The following ADGRG7 variants were observed in gnomAD, a reference collection of about 807,000 sequenced individuals.
The protein encoded by ADGRG7 is G-protein coupled receptor 128.
In ADGRG7, 82 loss-of-function variants were observed where a neutral mutation model predicts 88.6. That is an observed-to-expected ratio of 0.93 (90% confidence interval 0.77 to 1.11). The LOEUF (loss-of-function observed/expected upper bound fraction) is 1.11, where lower values mean the gene tolerates loss of function less well. Ranked by LOEUF, ADGRG7 falls within the 50% of genes most tolerant of loss-of-function variation. ADGRG7 has a pLI of 0.00. For synonymous variants in ADGRG7, 381 were observed against 345.2 expected, an observed-to-expected ratio of 1.10 and a Z score of -1.15; for missense variants, 945 against 953.4, an observed-to-expected ratio of 0.99 and a Z score of 0.12.
At position 100,646,603 on chromosome 3, in the gene ADGRG7, C is replaced by T. The variant is rs569432223; in HGVS notation, c.1145C>T (p.Ala382Val). The T allele has an allele frequency of 6.2e-7, 1 of 1,613,678 alleles. No homozygotes were observed. The highest frequency in any genetic ancestry group is 2.2e-5 in the East Asian group (1 of 44,876). ...AAAGAATTTCAACTCTATTCCTATGCCTGTGTCTATTGGAATTTGTCAGCG... is the reference window on the plus strand; with the variant it reads ...AAAGAATTTCAACTCTATTCCTATGTCTGTGTCTATTGGAATTTGTCAGCG... Reference protein sequence around the residue: ...NQKEFQLYSYACVYWNLSAKD... With the variant: ...NQKEFQLYSYVCVYWNLSAKD... Residue 382 changes from alanine (A) to valine (V), a missense_variant, in exon 10 of 16, where the codon GCC becomes GTC. Transcript: ENST00000273352.
At chr3:100,682,951 G>A (rs1315152956) in intron 15 of ADGRG7, among the ~76,000 whole-genome samples, 1 of 152,142 alleles carries the variant, frequency 6.6e-6, no homozygotes, top group Non-Finnish European at 1.5e-5. Context: ...GAGGCAGACA[G>A]GCTTTTGGGT....
At chr3:100,684,516 C>T (rs560371061) in intron 15 of ADGRG7, among the ~76,000 whole-genome samples, 131 of 152,208 alleles carry the variant, frequency 8.6e-4, no homozygotes, top group Non-Finnish European at 1.5e-3. Context: ...GGTCATCCTG[C>T]GTCAGCTTCC....
At chr3:100,622,154 C>T (rs746095828) in intron 1 of ADGRG7, among the ~76,000 whole-genome samples, 58 of 152,250 alleles carry the variant, frequency 3.8e-4, no homozygotes, top group South Asian at 3.3e-3. Context: ...TGGATTGGTA[C>T]CCGGGGCTGG....
chr3:100,680,507 G>GGCCATTCTATTTTTTATTCCTGTT (rs1388357962), intron 15 of ADGRG7, among the ~76,000 whole-genome samples: 2 of 151,704 alleles, frequency 1.3e-5, no homozygotes, highest in Non-Finnish European at 2.9e-5. Flanking sequence ...TGTTTTCTGT[G>GGCCATTCTATTTTTTATTCCTGTT]GCCATTCTAT....
intron 13 of ADGRG7, among the ~76,000 whole-genome samples, chr3:100,657,034 T>A (rs997590426): frequency 1.3e-5 from 2 of 152,334 alleles, no homozygotes; most frequent in African/African-American, 4.8e-5. Flanking sequence ...AGGGCTAGAC[T>A]CACTCCTTTA....
intron 1 of ADGRG7, among the ~76,000 whole-genome samples, 156 bp from the exon 2 acceptor site, chr3:100,629,442 A>G (rs1707426649): frequency 6.6e-6 from 1 of 150,532 alleles, no homozygotes; most frequent in Non-Finnish European, 1.5e-5. Flanking sequence ...GTAGATTCTC[A>G]GTGTATATTT....
chr3:100,667,899 T>G (rs941960153), intron 14 of ADGRG7, among the ~76,000 whole-genome samples: 2 of 152,118 alleles, frequency 1.3e-5, no homozygotes, highest in Admixed American at 6.5e-5. Context: ...GTTTTGTGCT[T>G]GAAACCCAGG....
At chr3:100,686,493 G>A (rs960642001) in intron 15 of ADGRG7, among the ~76,000 whole-genome samples, 39 of 152,196 alleles carry the variant, frequency 2.6e-4, no homozygotes, top group African/African-American at 7.7e-4. Flanking sequence ...TTCTTCTACG[G>A]TTTTTATGGT....
chr3:100,643,727 A>G, intron 8 of ADGRG7, 94 bp downstream of exon 8: 1 of 777,214 alleles, frequency 1.3e-6, no homozygotes, highest in South Asian at 1.8e-5. Flanking sequence ...ATGTCTACTT[A>G]GTTTCATACT....
chr3:100,651,036 A>T (rs1320024876), intron 11 of ADGRG7, among the ~76,000 whole-genome samples: 3 of 152,166 alleles, frequency 2.0e-5, no homozygotes, highest in African/African-American at 2.4e-5. Flanking sequence ...TCTCTGCCTC[A>T]TACCTGAACC....
chr3:100,654,835 G>T lies in ADGRG7; in HGVS notation c.1380G>T (p.Arg460Ser). 3 of 1,531,972 alleles carry T rather than the reference G, an allele frequency of 2.0e-6. No individual in the cohort carries two copies. Among genetic ancestry groups the T allele is most frequent in the Non-Finnish European group, 1.8e-6 (2 of 1,136,046 alleles). 94.9% of individuals were successfully genotyped at this position (1,531,972 alleles called of 1,614,324 possible). Residue 460 changes from arginine (R) to serine (S), a missense_variant and splice_region_variant, in exon 12 of 16, where the codon AGG becomes AGT. Coordinates refer to ENST00000273352, the MANE Select transcript of ADGRG7 (RefSeq NM_032787.3). The part of the protein sequence containing the change: ...ALTVIFQIVT[R>S]KVRKTSVTWV... ...TTTATATTAATTTACTTATTTTCAG[G>T]AAAGTCAGAAAAACCTCAGTAACCT...
intron 10 of ADGRG7, 60 bp downstream of exon 10, chr3:100,646,784 TAGGTGCTCCTTGG>T (rs1242544365): frequency 7.4e-7 from 1 of 1,353,864 alleles, no homozygotes; most frequent in African/African-American, 1.4e-5. Flanking sequence ...ACAATTCTAG[TAGGTGCTCCTTGG>T]AGATAACTTT....
intron 15 of ADGRG7, among the ~76,000 whole-genome samples, chr3:100,687,455 A>G (rs1287954107): frequency 6.6e-6 from 1 of 152,144 alleles, no homozygotes; most frequent in Admixed American, 6.5e-5. Flanking sequence ...GTCTTGTGCC[A>G]GTTTTCAAAG....
chr3:100,635,475 A>G (rs1161085577), intron 4 of ADGRG7: 2 of 1,215,152 alleles, frequency 1.6e-6, no homozygotes, highest in African/African-American at 3.1e-5. Flanking sequence ...ATCCTGTCAA[A>G]CAGGAAAGGC....
rs151089729 is a variant in ADGRG7 at position 100,651,924 on chromosome 3, T to A, written c.1379+2117T>A. ...GATTTATGATAGGGTTATGTCCCAA[T>A]AAACCCATTGTAAATTGAAAATATG... is the stretch of plus-strand genomic sequence containing the variant. On this transcript the variant is annotated intron_variant, in intron 11 of 15. Transcript: ENST00000273352. 3.5e-3 allele frequency among the ~76,000 whole-genome samples: 529 copies of A among 152,270 alleles called. 5 individuals carry two copies. The highest frequency in any genetic ancestry group is 5.1e-3 in the Non-Finnish European group (350 of 68,008).
intron 15 of ADGRG7, among the ~76,000 whole-genome samples, chr3:100,676,243 A>G (rs1303932794): frequency 2.0e-5 from 3 of 152,026 alleles, no homozygotes; most frequent in Non-Finnish European, 2.9e-5. Context: ...TTATTGCTAT[A>G]AACTTTCCTC....
intron 15 of ADGRG7, among the ~76,000 whole-genome samples, chr3:100,673,750 C>T (rs1383251892): frequency 3.3e-5 from 5 of 152,110 alleles, no homozygotes; most frequent in African/African-American, 1.2e-4. Context: ...AGCCACCGTG[C>T]CTGGCCTCTT....
intron 1 of ADGRG7, among the ~76,000 whole-genome samples, chr3:100,622,861 A>C (rs1392855892): frequency 2.0e-5 from 3 of 151,782 alleles, no homozygotes; most frequent in African/African-American, 7.3e-5. Context: ...TCCCAGGTTC[A>C]AGCCATCCTC....
intron 15 of ADGRG7, among the ~76,000 whole-genome samples, chr3:100,680,492 C>A (rs944494947): frequency 6.6e-6 from 1 of 151,880 alleles, no homozygotes; most frequent in South Asian, 2.1e-4. Flanking sequence ...TACCATTTTC[C>A]TATTTGTTTT....
Sources: allele counts gnomAD v4.1 joint callset (sites outside exome capture counted in the v4.1 genomes callset), GRCh38; gene constraint gnomAD v4.1.1; transcripts MANE v1.5; gene names NCBI Gene and HGNC (gene_info 2026-07-23, HGNC 2026-07-21).